Variants in FER observed in about 807,000 individuals in gnomAD.
FER encodes tyrosine-protein kinase Fer.
A neutral mutation model predicts 111.0 loss-of-function variants in FER; 63 were observed. The observed-to-expected ratio is 0.57, with a 90% CI of 0.46 to 0.70. FER has a LOEUF of 0.70. FER is among the 30% of genes least tolerant of loss of function. The probability of loss-of-function intolerance (pLI) is 0.00; values close to 1 mark genes in which losing one functional copy is unlikely to be tolerated. For missense variants in FER, 914 were observed against 954.0 expected (o/e 0.96, Z 0.55); for synonymous variants, 327 against 313.9 (o/e 1.04, Z -0.44).
intron 13 of FER, among the ~76,000 whole-genome samples, chr5:109,022,309 C>A (rs1768039919): frequency 6.6e-6 from 1 of 152,024 alleles, no homozygotes; most frequent in Non-Finnish European, 1.5e-5. Context: ...CACATGGATG[C>A]AGCTTGGAAT....
chr5:109,017,419 G>A (rs1303988738), intron 13 of FER, among the ~76,000 whole-genome samples: 1 of 151,872 alleles, frequency 6.6e-6, no homozygotes, highest in African/African-American at 2.4e-5. Flanking sequence ...GCAAAATGTT[G>A]GATGTGATGT....
chr5:109,135,789 G>T (rs749768563), intron 17 of FER, among the ~76,000 whole-genome samples: 4 of 152,080 alleles, frequency 2.6e-5, no homozygotes, highest in African/African-American at 4.8e-5. Context: ...GTTGCCTTTG[G>T]CTGACACTTC....
chr5:108,934,893 G>T (rs1252615610), intron 10 of FER, among the ~76,000 whole-genome samples: 1 of 151,996 alleles, frequency 6.6e-6, no homozygotes, highest in African/African-American at 2.4e-5. Flanking sequence ...GATGGGAAAT[G>T]AAAGATTAAC....
intron 5 of FER, among the ~76,000 whole-genome samples, chr5:108,845,021 T>TATATATAC (rs1761810511): frequency 1.9e-5 from 1 of 52,730 alleles, no homozygotes; most frequent in African/African-American, 6.5e-5. Flanking sequence ...TATATATATA[T>TATATATAC]ATATATATAT....
chr5:108,871,576 T>G, intron 7 of FER, 74 bp downstream of exon 7: 1 of 1,116,542 alleles, frequency 9.0e-7, no homozygotes, highest in Non-Finnish European at 1.2e-6. Flanking sequence ...TAACCACAGA[T>G]AAAAATAAGA....
intron 11 of FER, among the ~76,000 whole-genome samples, chr5:108,953,355 GT>G (rs1259026782): frequency 6.6e-6 from 1 of 151,796 alleles, no homozygotes; most frequent in Non-Finnish European, 1.5e-5. Context: ...ATTTGTCATA[GT>G]TTGCATGAAA....
chr5:109,013,909 T>G (rs111798147), intron 13 of FER, among the ~76,000 whole-genome samples: 28,031 of 151,520 alleles, frequency 0.18, 2,733 homozygotes, highest in Non-Finnish European at 0.22. Context: ...CATGTCCTTC[T>G]CCCACTTTTT....
intron 17 of FER, among the ~76,000 whole-genome samples, chr5:109,139,335 TCTC>T (rs796854584): frequency 2.5e-4 from 34 of 134,848 alleles, no homozygotes; most frequent in African/African-American, 8.4e-4. Context: ...TGTCTTTACT[TCTC>T]CTTCTTTCTT....
At chr5:109,007,695 A>C (rs2149795183) in intron 13 of FER, among the ~76,000 whole-genome samples, 1 of 152,318 alleles carries the variant, frequency 6.6e-6, no homozygotes, top group Non-Finnish European at 1.5e-5. Flanking sequence ...TGAGTTTTTA[A>C]CAATTATGAA....
intron 16 of FER, among the ~76,000 whole-genome samples, chr5:109,061,760 T>C (rs962011750): frequency 2.0e-5 from 3 of 152,192 alleles, no homozygotes; most frequent in Non-Finnish European, 4.4e-5. Flanking sequence ...AGGGAAGATT[T>C]AGAAAACTGT....
chr5:109,100,207 G>T (rs972857666), intron 16 of FER, among the ~76,000 whole-genome samples, 189 bp from the exon 17 acceptor site: 1 of 151,844 alleles, frequency 6.6e-6, no homozygotes, highest in Non-Finnish European at 1.5e-5. Flanking sequence ...AGATTATGGT[G>T]TCTGTTTTCT....
chr5:109,084,874 C>T (rs1777384140), intron 16 of FER, among the ~76,000 whole-genome samples: 1 of 151,818 alleles, frequency 6.6e-6, no homozygotes, highest in African/African-American at 2.4e-5. Flanking sequence ...CATTGAGTTG[C>T]TTCGGTGTCT....
intron 1 of FER, among the ~76,000 whole-genome samples, chr5:108,754,273 T>C (rs1209441252): frequency 3.3e-5 from 5 of 152,070 alleles, no homozygotes; most frequent in Non-Finnish European, 7.4e-5. Context: ...TAGCCCGATA[T>C]GATGGCATGT....
At chr5:108,951,898 G>A (rs1446458037) in intron 11 of FER, among the ~76,000 whole-genome samples, 1 of 151,632 alleles carries the variant, frequency 6.6e-6, no homozygotes, top group East Asian at 1.9e-4. Context: ...CCTGGACCAG[G>A]GTAAGGAGAA....
chr5:109,016,089 A>T (rs116295028), intron 13 of FER, among the ~76,000 whole-genome samples: 1,541 of 152,120 alleles, frequency 0.01, 22 homozygotes, highest in African/African-American at 0.035. Flanking sequence ...TTTCTAGGTG[A>T]CTTTTTCCCT....
chr5:108,991,695 T>C (rs1236383548), intron 13 of FER, among the ~76,000 whole-genome samples: 2 of 152,222 alleles, frequency 1.3e-5, no homozygotes, highest in East Asian at 1.9e-4. Context: ...GTTTTAAGTT[T>C]ATTCAGTAAG....
chr5:109,170,655 G>C (rs1757010329), intron 17 of FER, among the ~76,000 whole-genome samples: 1 of 152,166 alleles, frequency 6.6e-6, no homozygotes, highest in African/African-American at 2.4e-5. Context: ...TATTCTTACA[G>C]GGTTGGGAAG....
intron 10 of FER, among the ~76,000 whole-genome samples, chr5:108,916,105 A>G (rs1171800055): frequency 6.6e-6 from 1 of 152,184 alleles, no homozygotes; most frequent in Non-Finnish European, 1.5e-5. Context: ...GACAAAAGGC[A>G]TTGATTATAT....
In FER at chr5:108,946,218, C is replaced by T. The variant is rs1212744484; in HGVS notation, c.1325C>T (p.Ser442Leu). The change falls in exon 11 of 20, where the codon TCA becomes TTA. Residue 442 changes from serine to leucine, a missense_variant. Ser to Leu is a moderately radical substitution (Grantham distance 145). This residue lies in a region of FER where 774 missense variants were observed against 782.6 expected (regional missense o/e 0.99). Coordinates refer to ENST00000281092, the MANE Select transcript of FER (RefSeq NM_005246.4). ...TCTCCAAAATCTGCACTGGGCTCTT[C>T]AGCAGTAAGTAGGATTAACTCTCTG... ...IRSPKSALGS[S>L]ALSDMISISE... is the part of the protein sequence containing the mutation. 7 of 1,608,416 alleles carry T rather than the reference C, an allele frequency of 4.4e-6. No individual in the cohort carries two copies. The African/African-American group carries it at 9.4e-5, about 22-fold the overall frequency.
Sources: allele counts gnomAD v4.1 joint callset (sites outside exome capture counted in the v4.1 genomes callset), GRCh38; gene constraint gnomAD v4.1.1; regional missense constraint gnomAD v4.1.1; transcripts MANE v1.5; gene names NCBI Gene and HGNC (gene_info 2026-07-23, HGNC 2026-07-21).